GNG7: variants seen among roughly 807,000 people sequenced by gnomAD.
GNG7 encodes the protein guanine nucleotide-binding protein G(I)/G(S)/G(O) subunit gamma-7.
In GNG7, 1 loss-of-function variant was observed where a neutral mutation model predicts 4.0. The observed-to-expected ratio is 0.25, with a 90% confidence interval of 0.09 to 1.18. The LOEUF (loss-of-function observed/expected upper bound fraction) is 1.18. Among genes scored for constraint, GNG7 ranks in the 50% most tolerant of loss-of-function variants. GNG7 has a pLI of 0.50. For synonymous variants in GNG7, 34 were observed against 36.9 expected, an observed-to-expected ratio of 0.92 and a Z score of 0.29; for missense variants, 86 against 91.9, an observed-to-expected ratio of 0.94 and a Z score of 0.26.
intron 2 of GNG7, among the ~76,000 whole-genome samples, chr19:2,587,071 C>G (rs1356762304): frequency 6.6e-6 from 1 of 151,664 alleles, no homozygotes; most frequent in East Asian, 1.9e-4. Flanking sequence ...CACGCAACAC[C>G]ACATCCGGCT....
At chr19:2,591,386 CTTTAAACCTTTTGGTATT>C (rs766927489) in intron 2 of GNG7, among the ~76,000 whole-genome samples, 2 of 149,760 alleles carry the variant, frequency 1.3e-5, no homozygotes, top group Non-Finnish European at 3.0e-5. Flanking sequence ...CCATCCCTTT[CTTTAAACCTTTTGGTATT>C]TTTAAGATTT....
intron 2 of GNG7, among the ~76,000 whole-genome samples, chr19:2,579,424 C>T (rs16991222): frequency 1.3e-5 from 2 of 152,164 alleles, no homozygotes; most frequent in African/African-American, 4.8e-5. Context: ...GGAAGCCGGG[C>T]GACCGGGAAG....
rs1240956252 is a variant in GNG7, at chr19:2,634,157, GC to G, written c.-78+12066del. Among the ~76,000 whole-genome samples the G allele has an allele frequency of 6.6e-6, 1 of 152,158 alleles. No individual in the cohort carries two copies. Among genetic ancestry groups the G allele is most frequent in the Non-Finnish European group, 1.5e-5 (1 of 68,034 alleles). On this transcript the variant is annotated intron_variant, in intron 2 of 4. Coordinates refer to ENST00000382159, the MANE Select transcript of GNG7 (RefSeq NM_052847.3). The surrounding 1 kb of genome is among the most constrained non-coding windows in gnomAD (Gnocchi z 5.3). ...GTCTGCCCCACTGGGCGTTTATGGTGCCTATCATGAGCAGGAAAATAACTCG... is the reference window on the plus strand; with the variant it reads ...GTCTGCCCCACTGGGCGTTTATGGTGCTATCATGAGCAGGAAAATAACTCG...
chr19:2,548,481 G>GGA (rs754195677), intron 3 of GNG7, among the ~76,000 whole-genome samples: 32 of 77,314 alleles, frequency 4.1e-4, no homozygotes, highest in African/African-American at 1.4e-3. Flanking sequence ...GCTCTGTCTG[G>GGA]AAAAAAAAAA....
intron 2 of GNG7, among the ~76,000 whole-genome samples, chr19:2,569,083 G>GCA (rs371595174): frequency 1.3e-5 from 2 of 151,158 alleles, no homozygotes; most frequent in Non-Finnish European, 3.0e-5. Context: ...AAGCATGCAA[G>GCA]CACACACACA....
chr19:2,577,844 CTTTT>C (rs112517007), intron 2 of GNG7, among the ~76,000 whole-genome samples: 2 of 137,318 alleles, frequency 1.5e-5, no homozygotes, highest in African/African-American at 2.8e-5. Flanking sequence ...TGTTATTTTC[CTTTT>C]TTTTTTTTTT....
rs757941109 is a variant in GNG7, at chr19:2,589,681, G to A, written c.-77-34493C>T. On this transcript the variant is annotated intron_variant, in intron 2 of 4. Coordinates refer to ENST00000382159, the MANE Select transcript of GNG7 (RefSeq NM_052847.3). ...TTGATTTAGCTCTTTTAGGCCCTGC[G>A]CGTAGGGGGTTGTACTAAGTCCAGG... 3.3e-5 allele frequency among the ~76,000 whole-genome samples: 5 copies of A among 152,186 alleles called. 1 individual carries two copies. The highest frequency in any genetic ancestry group is 4.2e-4 in the South Asian group (2 of 4,810).
At chr19:2,515,201 C>T in intron 4 of GNG7, 54 bp from the exon 5 acceptor site, 1 of 1,607,012 alleles carries the variant, frequency 6.2e-7, no homozygotes. Context: ...GGCTGGCACA[C>T]CCGGGTTCAC....
At chr19:2,585,968 G>C (rs931632709) in intron 2 of GNG7, among the ~76,000 whole-genome samples, 2 of 152,178 alleles carry the variant, frequency 1.3e-5, no homozygotes, top group South Asian at 4.1e-4. Flanking sequence ...CCAAAGTGCT[G>C]GGATTACAGG....
intron 1 of GNG7, among the ~76,000 whole-genome samples, chr19:2,665,405 C>T (rs956643422): frequency 1.3e-5 from 2 of 151,576 alleles, no homozygotes; most frequent in African/African-American, 2.4e-5. Flanking sequence ...GGACAGTCCT[C>T]GCCACACCCC....
chr19:2,549,609 G>A lies in GNG7; in HGVS notation c.-38+5540C>T, dbSNP rs541335821. On this transcript the variant is annotated intron_variant, in intron 3 of 4. Transcript: ENST00000382159. ...GGCCGGGGCTGTGTTTTCATCTGGAGGTTTGCACGGGGCCGGGGCATTGTA... is the reference window on the plus strand; with the variant it reads ...GGCCGGGGCTGTGTTTTCATCTGGAAGTTTGCACGGGGCCGGGGCATTGTA... Among the ~76,000 whole-genome samples, 3 of 152,150 alleles carry A rather than the reference G, an allele frequency of 2.0e-5. No homozygotes were observed. The South Asian group carries it at 6.2e-4, about 32-fold the overall frequency.
In GNG7 at chr19:2,511,692, G is replaced by T; in HGVS notation, c.*3330C>A. 1 of 575,402 alleles carries T rather than the reference G, an allele frequency of 1.7e-6. No individual in the cohort carries two copies. Among genetic ancestry groups the T allele is most frequent in the Non-Finnish European group, 2.2e-6 (1 of 454,956 alleles). 35.6% of individuals were successfully genotyped at this position (575,402 alleles called of 1,614,324 possible). On this transcript the variant is annotated 3_prime_UTR_variant, in exon 5 of 5. Coordinates refer to ENST00000382159, the MANE Select transcript of GNG7 (RefSeq NM_052847.3). This position sits in a 1 kb window ranked among gnomAD's most constrained non-coding sequence, Gnocchi z 6.3. ...GATGGATGCGTGGCCTGGAGGCCTA[G>T]CGTTGCGCCTCGGACACGGTGGCCG...
intron 3 of GNG7, among the ~76,000 whole-genome samples, chr19:2,549,501 G>C (rs1413060388): frequency 6.6e-6 from 1 of 152,088 alleles, no homozygotes; most frequent in Non-Finnish European, 1.5e-5. Flanking sequence ...ATCTTGGCCA[G>C]GCTGGTCTTG....
At chr19:2,603,605 A>C (rs1201788426) in intron 2 of GNG7, among the ~76,000 whole-genome samples, 2 of 152,226 alleles carry the variant, frequency 1.3e-5, no homozygotes, top group Non-Finnish European at 2.9e-5. Flanking sequence ...AAAACTATGC[A>C]GGGCTCACCC....
intron 2 of GNG7, among the ~76,000 whole-genome samples, chr19:2,615,406 ACT>A (rs765797676): frequency 9.6e-4 from 136 of 141,480 alleles, no homozygotes; most frequent in Middle Eastern, 4.2e-3. Context: ...CGTGGCACAG[ACT>A]CTGTCCTCTT....
intron 2 of GNG7, among the ~76,000 whole-genome samples, chr19:2,637,271 C>T (rs1486339387): frequency 6.6e-6 from 1 of 151,716 alleles, no homozygotes; most frequent in Non-Finnish European, 1.5e-5. Flanking sequence ...TGCCCTGGGG[C>T]CTGCAGAAGG....
intron 3 of GNG7, among the ~76,000 whole-genome samples, chr19:2,539,926 T>C (rs1482312180): frequency 6.9e-6 from 1 of 145,224 alleles, no homozygotes; most frequent in South Asian, 2.3e-4. Context: ...TTTCTCTTTC[T>C]TTCTTCTCTC....
rs1427392963 is a variant in GNG7, at chr19:2,633,485, GCGCACACACACACA to G, written c.-78+12725_-78+12738del. Among the ~76,000 whole-genome samples the G allele has an allele frequency of 0.039, 5,157 of 131,970 alleles. 118 individuals carry two copies. The highest frequency in any genetic ancestry group is 0.076 in the African/African-American group (2,565 of 33,590). 86.6% of individuals were successfully genotyped at this position (131,970 alleles called of 152,430 possible). ...CTTAGCAACAGGCGCGCGCGCGCGC[GCGCACACACACACA>G]CACACACACACACACACACACACAC... is the stretch of plus-strand genomic sequence containing the variant. On this transcript the variant is annotated intron_variant, in intron 2 of 4. Transcript: ENST00000382159. The surrounding 1 kb of genome is among the most constrained non-coding windows in gnomAD (Gnocchi z 5.9).
At chr19:2,547,472 C>T (rs1287619274) in intron 3 of GNG7, among the ~76,000 whole-genome samples, 1 of 152,082 alleles carries the variant, frequency 6.6e-6, no homozygotes, top group Non-Finnish European at 1.5e-5. Flanking sequence ...CTCTCACCCT[C>T]CTGCCTCCTC....
Sources: allele counts gnomAD v4.1 joint callset (sites outside exome capture counted in the v4.1 genomes callset), GRCh38; gene constraint gnomAD v4.1.1; non-coding constraint Gnocchi (gnomAD v3.1); transcripts MANE v1.5; gene names NCBI Gene and HGNC (gene_info 2026-07-23, HGNC 2026-07-21).